Variants in GPM6A observed in about 807,000 individuals in gnomAD.
GPM6A encodes glycoprotein M6A.
GPM6A carries 7 observed loss-of-function variants against 32.1 expected under a neutral mutation model. The observed-to-expected ratio is 0.22, with a 90% CI of 0.12 to 0.41. GPM6A has a LOEUF of 0.41. Among genes scored for constraint, GPM6A ranks in the 10% least tolerant of loss-of-function variants. GPM6A has a pLI of 1.00. For synonymous variants in GPM6A, 130 were observed against 123.4 expected (o/e 1.05, Z -0.35); for missense variants, 235 against 347.2 (o/e 0.68, Z 2.57).
chr4:175,948,670 A>G (rs1739695415), intron 1 of GPM6A, among the ~76,000 whole-genome samples: 2 of 152,242 alleles, frequency 1.3e-5, no homozygotes, highest in South Asian at 4.1e-4. Flanking sequence ...GGGTTAATAC[A>G]ACCACATAAG....
intron 1 of GPM6A, among the ~76,000 whole-genome samples, chr4:175,703,028 G>A (rs1744965366): frequency 6.6e-6 from 1 of 152,038 alleles, no homozygotes; most frequent in African/African-American, 2.4e-5. Flanking sequence ...TGAGCTTATT[G>A]TCTTTAAAAA....
intron 1 of GPM6A, among the ~76,000 whole-genome samples, chr4:175,944,470 T>G (rs1739522887): frequency 6.6e-6 from 1 of 152,064 alleles, no homozygotes; most frequent in Admixed American, 6.5e-5. Context: ...AAATGCATAC[T>G]GATTTTTATT....
At chr4:175,852,335 T>C (rs1431759085) in intron 1 of GPM6A, among the ~76,000 whole-genome samples, 2 of 151,774 alleles carry the variant, frequency 1.3e-5, no homozygotes, top group Admixed American at 6.6e-5. Context: ...AATGAGAAAA[T>C]GAACTGATAA....
At chr4:175,809,620 T>A (rs904902161) in intron 1 of GPM6A, among the ~76,000 whole-genome samples, 6 of 152,096 alleles carry the variant, frequency 3.9e-5, no homozygotes, top group Non-Finnish European at 8.8e-5. Context: ...CAATGGCTGG[T>A]GGGTGAAGTC....
intron 1 of GPM6A, among the ~76,000 whole-genome samples, chr4:175,976,419 G>T (rs1404071584): frequency 6.6e-6 from 1 of 151,344 alleles, no homozygotes; most frequent in Non-Finnish European, 1.5e-5. Flanking sequence ...TCCCGCCTCG[G>T]CCTCCCAAAG....
chr4:175,961,145 G>A (rs1301211699), intron 1 of GPM6A: 1 of 152,098 alleles, frequency 6.6e-6, no homozygotes, highest in African/African-American at 2.4e-5. Context: ...TTATTATCTG[G>A]TTATCACTCA....
chr4:175,894,999 C>A (rs1303313067), intron 1 of GPM6A, among the ~76,000 whole-genome samples: 1 of 152,198 alleles, frequency 6.6e-6, no homozygotes, highest in East Asian at 1.9e-4. Context: ...CATGTTACAA[C>A]TGGTGTCTTA....
At chr4:175,835,729 TATATA>T (rs200929110) in intron 1 of GPM6A, among the ~76,000 whole-genome samples, 3,279 of 147,374 alleles carry the variant, frequency 0.022, 38 homozygotes, top group Non-Finnish European at 0.035. Context: ...ATATTAACTA[TATATA>T]ATATATTATT....
intron 1 of GPM6A, among the ~76,000 whole-genome samples, chr4:175,840,368 A>G (rs1246370184): frequency 6.6e-6 from 1 of 152,222 alleles, no homozygotes; most frequent in Non-Finnish European, 1.5e-5. Flanking sequence ...GGAAGAATAG[A>G]GAGTAAACGA....
At position 175,974,747 on chromosome 4, in the gene GPM6A, G is replaced by A. The variant is rs551167704; in HGVS notation, c.-23+27562C>T. 4.6e-5 allele frequency among the ~76,000 whole-genome samples: 7 copies of A among 151,260 alleles called. No individual in the cohort carries two copies. In the South Asian group the frequency reaches 1.5e-3, roughly 32 times the overall value. ...CCTCAGGCTGGAGTGCAGTAGCACA[G>A]TCTCGGCTCACGGCAGCCTCAACAT... On this transcript the variant is annotated intron_variant, in intron 1 of 7. Transcript: ENST00000280187.
At chr4:175,758,889 C>T (rs1331314119) in intron 1 of GPM6A, among the ~76,000 whole-genome samples, 1 of 152,130 alleles carries the variant, frequency 6.6e-6, no homozygotes, top group Non-Finnish European at 1.5e-5. Context: ...TTTCCAAATT[C>T]ATGCTAATTT....
At chr4:175,875,790 T>C (rs1192603007) in intron 1 of GPM6A, among the ~76,000 whole-genome samples, 3 of 152,292 alleles carry the variant, frequency 2.0e-5, no homozygotes, top group South Asian at 2.1e-4. Context: ...CTTGGTCCCT[T>C]AAATTCTTTT....
At chr4:175,690,603 T>C (rs73002105) in intron 2 of GPM6A, among the ~76,000 whole-genome samples, 7,174 of 152,278 alleles carry the variant, frequency 0.047, 204 homozygotes, top group Non-Finnish European at 0.063. Context: ...GCTAGTGGCC[T>C]CTTCTCCTTC....
chr4:175,842,315 A>G (rs1046292073), intron 1 of GPM6A, among the ~76,000 whole-genome samples: 1 of 152,164 alleles, frequency 6.6e-6, no homozygotes, highest in Non-Finnish European at 1.5e-5. Context: ...AGGTGTTACT[A>G]TGTAAATGAC....
intron 1 of GPM6A, among the ~76,000 whole-genome samples, chr4:175,722,971 C>G (rs1445854276): frequency 6.6e-6 from 1 of 151,956 alleles, no homozygotes; most frequent in Admixed American, 6.6e-5. Flanking sequence ...ATTACTTGAG[C>G]CTGGGAGGTG....
chr4:175,758,878 A>G (rs1262765240), intron 1 of GPM6A, among the ~76,000 whole-genome samples: 1 of 152,154 alleles, frequency 6.6e-6, no homozygotes, highest in Admixed American at 6.5e-5. Context: ...ATCAAGTTTT[A>G]TTTCCAAATT....
At chr4:175,669,532 C>T (rs1742937826) in intron 3 of GPM6A, among the ~76,000 whole-genome samples, 1 of 152,146 alleles carries the variant, frequency 6.6e-6, no homozygotes, top group South Asian at 2.1e-4. Context: ...AAAAGTTTCA[C>T]ATTTTGGAGC....
chr4:175,914,560 T>A (rs1410439014), intron 1 of GPM6A, among the ~76,000 whole-genome samples: 2 of 152,222 alleles, frequency 1.3e-5, no homozygotes, highest in African/African-American at 2.4e-5. Context: ...TGATCTCAAG[T>A]GATCTGCCCG....
At chr4:175,821,293 G>A (rs1419024316) in intron 1 of GPM6A, among the ~76,000 whole-genome samples, 2 of 152,112 alleles carry the variant, frequency 1.3e-5, no homozygotes, top group Non-Finnish European at 2.9e-5. Context: ...TTTGAGAAAT[G>A]TATATTCATG....
Sources: gnomAD v4.1 joint callset for allele counts (sites outside exome capture counted in the v4.1 genomes callset) on GRCh38, gnomAD v4.1.1 for gene constraint, MANE v1.5 for transcripts, NCBI Gene and HGNC (gene_info 2026-07-23, HGNC 2026-07-21) for gene names.